Variants in TIMELESS observed in about 807,000 individuals in gnomAD.
TIMELESS encodes the protein protein timeless homolog.
Under a neutral mutation model 164.3 loss-of-function variants are expected in TIMELESS, and 124 were observed. The observed-to-expected ratio is 0.75, with a 90% confidence interval of 0.65 to 0.88. TIMELESS has a LOEUF of 0.88. Among genes scored for constraint, TIMELESS ranks in the 40% least tolerant of loss-of-function variants. The pLI is 0.00. For missense variants in TIMELESS, 1,422 were observed against 1,491.4 expected (o/e 0.95, Z 0.77); for synonymous variants, 564 against 563.4 (o/e 1.00, Z -0.02).
At position 56,433,532 on chromosome 12, in the gene TIMELESS, C is replaced by T; in HGVS notation, c.366+6G>A. 1.2e-6 allele frequency: 2 copies of T among 1,614,194 alleles called. No homozygotes were observed. The highest frequency in any genetic ancestry group is 1.7e-6 in the Non-Finnish European group (2 of 1,180,002). ...CCACCCCAGGGACTCCAAAGGAAAT[C>T]CTCACCTCTTTGTAGGCCTGCAAAT... On this transcript the variant is annotated splice_donor_region_variant and intron_variant, in intron 4 of 28. Coordinates refer to ENST00000553532, the MANE Select transcript of TIMELESS (RefSeq NM_003920.5).
intron 1 of TIMELESS, among the ~76,000 whole-genome samples, chr12:56,439,397 T>C (rs1293507500): frequency 6.6e-6 from 1 of 151,486 alleles, no homozygotes; most frequent in East Asian, 1.9e-4. Flanking sequence ...TTTTCTTTTT[T>C]TTTTTTTTTC....
intron 10 of TIMELESS, among the ~76,000 whole-genome samples, 158 bp downstream of exon 10, chr12:56,429,947 C>T (rs888506926): frequency 6.6e-6 from 1 of 152,106 alleles, no homozygotes; most frequent in African/African-American, 2.4e-5. Context: ...TTTTCACTAT[C>T]TCTCAGGGAC....
At chr12:56,449,147 A>C (rs1036262890) in intron 1 of TIMELESS, among the ~76,000 whole-genome samples, 163 bp downstream of exon 1, 10 of 152,264 alleles carry the variant, frequency 6.6e-5, no homozygotes, top group East Asian at 3.8e-4. Flanking sequence ...GAGACTAAGG[A>C]GCAGAGTACA....
chr12:56,446,720 T>C (rs1868355480), intron 1 of TIMELESS, among the ~76,000 whole-genome samples: 2 of 150,966 alleles, frequency 1.3e-5, no homozygotes, highest in African/African-American at 2.4e-5. Flanking sequence ...TAATTCCAGC[T>C]ACTTGGGAGG....
At position 56,433,406 on chromosome 12, in the gene TIMELESS, T is replaced by C. The variant is rs1478792580; in HGVS notation, c.404A>G (p.Glu135Gly). ...ASEKAFGVLS[E>G]TLYELLQLGW... Reference sequence around the variant, plus strand: ...CAGCTGCAGCAGCTCATACAAGGTTTCACTGAGGACTCCAAAAGCCTTCTC... The same window carrying C: ...CAGCTGCAGCAGCTCATACAAGGTTCCACTGAGGACTCCAAAAGCCTTCTC... The change falls in exon 5 of 29, where the codon GAA (glutamate) becomes GGA (glycine). Residue 135 changes from glutamate (E) to glycine (G), a missense_variant. Coordinates refer to ENST00000553532, the MANE Select transcript of TIMELESS (RefSeq NM_003920.5). 6 of 1,614,192 alleles carry C rather than the reference T, an allele frequency of 3.7e-6. No homozygotes were observed. The highest frequency in any genetic ancestry group is 5.1e-6 in the Non-Finnish European group (6 of 1,180,044).
At chr12:56,424,723 C>T (rs1881614837) in intron 15 of TIMELESS, 39 bp downstream of exon 15, 7 of 1,600,694 alleles carry the variant, frequency 4.4e-6, no homozygotes, top group Non-Finnish European at 6.0e-6. Flanking sequence ...CCTCCTCCTT[C>T]CCCCAAAGCC....
chr12:56,422,614 G>A (rs1270272919), intron 19 of TIMELESS, among the ~76,000 whole-genome samples: 1 of 152,144 alleles, frequency 6.6e-6, no homozygotes. Context: ...CCTCTATGGA[G>A]GCTGGTGATG....
At chr12:56,437,178 C>G (rs1008100702) in intron 1 of TIMELESS, among the ~76,000 whole-genome samples, 1 of 152,154 alleles carries the variant, frequency 6.6e-6, no homozygotes, top group African/African-American at 2.4e-5. Flanking sequence ...ATCCACACAC[C>G]TCGGCCTCCC....
chr12:56,418,569 GTTCTT>G (rs954817980), intron 26 of TIMELESS, among the ~76,000 whole-genome samples: 1 of 141,540 alleles, frequency 7.1e-6, no homozygotes, highest in African/African-American at 2.6e-5. Flanking sequence ...TTTTTTGGTT[GTTCTT>G]TTTTTTTTTT....
At chr12:56,445,928 G>A (rs1868344705) in intron 1 of TIMELESS, among the ~76,000 whole-genome samples, 1 of 151,744 alleles carries the variant, frequency 6.6e-6, no homozygotes, top group Non-Finnish European at 1.5e-5. Context: ...TTTTTTGAAA[G>A]AGGGTCTCAC....
In TIMELESS at chr12:56,423,715, CAGAG is replaced by C. The variant is rs1565680816; in HGVS notation, c.1967-12_1967-9del. 2.5e-6 allele frequency: 4 copies of C among 1,614,044 alleles called. No homozygotes were observed. The Admixed American group carries it at 6.7e-5, about 27-fold the overall frequency. On this transcript the variant is annotated splice_polypyrimidine_tract_variant and intron_variant, in intron 16 of 28. Transcript: ENST00000553532. Reference sequence around the variant, plus strand: ...CCTCTGGGCCCTGCTGCCCTATAGACAGAGGGAGGATTACTGAGTCTCTGTTATG... The same window carrying C: ...CCTCTGGGCCCTGCTGCCCTATAGACGGAGGATTACTGAGTCTCTGTTATG...
chr12:56,421,332 G>A lies in TIMELESS; in HGVS notation c.2868+19C>T. 6.2e-7 allele frequency: 1 copy of A among 1,611,372 alleles called. No individual in the cohort carries two copies. ...AGGGAAGTGAGCCCATGCCAGCAGAGCTAGGGTCAGATTGTTACCAAGATG... is the reference window on the plus strand; with the variant it reads ...AGGGAAGTGAGCCCATGCCAGCAGAACTAGGGTCAGATTGTTACCAAGATG... On this transcript the variant is annotated intron_variant, in intron 23 of 28. Transcript: ENST00000553532.
At chr12:56,448,096 A>G (rs553631297) in intron 1 of TIMELESS, among the ~76,000 whole-genome samples, 1 of 152,226 alleles carries the variant, frequency 6.6e-6, no homozygotes, top group South Asian at 2.1e-4. Flanking sequence ...CAGATGATCT[A>G]CCTTTACTTT....
chr12:56,431,354 CAAAAAAAAA>C (rs11366728), intron 8 of TIMELESS, 108 bp downstream of exon 8: 2 of 820,144 alleles, frequency 2.4e-6, no homozygotes, highest in East Asian at 3.8e-5. Flanking sequence ...AATTCTGTCT[CAAAAAAAAA>C]AAAAAAAAAC....
intron 1 of TIMELESS, among the ~76,000 whole-genome samples, chr12:56,437,813 C>T (rs1055216807): frequency 6.6e-6 from 1 of 152,094 alleles, no homozygotes; most frequent in African/African-American, 2.4e-5. Context: ...CTCATCAACG[C>T]TCATGCACAT....
chr12:56,445,913 T>A (rs1192688501), intron 1 of TIMELESS, among the ~76,000 whole-genome samples: 2 of 152,146 alleles, frequency 1.3e-5, no homozygotes, highest in African/African-American at 4.8e-5. Flanking sequence ...TCCAGACTTT[T>A]TTTCTTTTTT....
intron 1 of TIMELESS, 27 bp from the exon 2 acceptor site, chr12:56,434,258 T>C (rs901178752): frequency 9.3e-7 from 1 of 1,077,278 alleles, no homozygotes; most frequent in African/African-American, 1.6e-5. Flanking sequence ...AGATAAAAAA[T>C]GTAAGTTCCT....
chr12:56,430,397 GCT>G (rs1881837447), intron 9 of TIMELESS, 116 bp from the exon 10 acceptor site: 2 of 1,232,754 alleles, frequency 1.6e-6, no homozygotes. Flanking sequence ...ACAAGAACTT[GCT>G]CTGTCACCCA....
Position 56,428,236 on chromosome 12 carries a change from C to T in TIMELESS, c.1578G>A (p.Gln526=). The T allele has an allele frequency of 6.3e-7, 1 of 1,596,070 alleles. No individual in the cohort carries two copies. ...FCRSRGNLVV[Q]NKQKKRRKKK... ...TCTACATTGTGGGGCTGCCCAGTAC[C>T]TGCACCACCAGGTTCCCACGGCTCC... The change falls in exon 13 of 29, where the codon CAG becomes CAA. Residue 526 remains glutamine, a splice_region_variant and synonymous_variant. Coordinates refer to ENST00000553532, the MANE Select transcript of TIMELESS (RefSeq NM_003920.5).
Sources: gnomAD v4.1 joint callset for allele counts (sites outside exome capture counted in the v4.1 genomes callset) on GRCh38, gnomAD v4.1.1 for gene constraint, MANE v1.5 for transcripts, NCBI Gene and HGNC (gene_info 2026-07-23, HGNC 2026-07-21) for gene names.